Variants in TCF20 observed in about 807,000 individuals in gnomAD.
TCF20 encodes transcription factor 20.
TCF20 carries 3 observed loss-of-function variants against 148.6 expected under a neutral mutation model. The observed-to-expected ratio is 0.02, with a 90% CI of 0.01 to 0.05. The LOEUF (loss-of-function observed/expected upper bound fraction) is 0.05. Ranked by LOEUF, TCF20 falls within the 10% of genes least tolerant of loss-of-function variation. The probability of loss-of-function intolerance (pLI) is 1.00; values close to 1 mark genes in which losing one functional copy is unlikely to be tolerated. For missense variants in TCF20, 2,350 were observed against 2,429.3 expected (o/e 0.97, Z 0.69); for synonymous variants, 1,049 against 909.5 (o/e 1.15, Z -2.76).
rs371609917 is a variant in TCF20, at chr22:42,210,011, C to T, written c.5295G>A (p.Glu1765=). The change falls in exon 2 of 6, where the codon GAG becomes GAA. Residue 1765 remains glutamate, a synonymous_variant. Coordinates refer to ENST00000677622, the MANE Select transcript of TCF20 (RefSeq NM_001378418.1). This position sits in a 1 kb window ranked among gnomAD's most constrained non-coding sequence, Gnocchi z 4.7. The stretch of plus-strand genomic sequence containing the variant: ...GCTGCTGCTGCTGCTCTTCCTCCTC[C>T]TCAGTGTCCGTCTTGGAGCCATTAG... ...SASNGSKTDT[E]EEEEQQQQQK... 66 of 1,612,812 alleles carry T rather than the reference C, an allele frequency of 4.1e-5. No homozygotes were observed. The highest frequency in any genetic ancestry group is 1.6e-4 in the African/African-American group (12 of 74,924).
At position 42,161,143 on chromosome 22, in the gene TCF20, T is replaced by G. The variant is rs1486830732; in HGVS notation, c.*260A>C. ...CCCCCCTCCCCCCACATTGTCACTA[T>G]GGAGATTGTGTCCATGGAAACAGCC... On this transcript the variant is annotated 3_prime_UTR_variant, in exon 6 of 6. Transcript: ENST00000677622. 4 of 240,800 alleles carry G rather than the reference T, an allele frequency of 1.7e-5. No homozygotes were observed. The highest frequency in any genetic ancestry group is 2.7e-4 in the East Asian group (2 of 7,440). The allele number at this position is 240,800 out of a possible 1,614,324, so 14.9% of individuals were successfully genotyped here. A position where few individuals can be genotyped will look rare whatever the true frequency, so the allele number is the denominator to read the frequency against.
Position 42,243,051 on chromosome 22 carries a change from G to C in TCF20, c.-37+27288C>G, listed in dbSNP as rs114876579. Among the ~76,000 whole-genome samples the C allele has an allele frequency of 4.1e-3, 623 of 152,042 alleles. 11 individuals carry two copies. The highest frequency in any genetic ancestry group is 0.014 in the African/African-American group (601 of 41,474). ...TACCAAGGATCCAAGGGAAGAGGGGGAAGGATGAATACGGAGAGAGTACAG... is the reference window on the plus strand; with the variant it reads ...TACCAAGGATCCAAGGGAAGAGGGGCAAGGATGAATACGGAGAGAGTACAG... On this transcript the variant is annotated intron_variant, in intron 1 of 5. Transcript: ENST00000677622.
At chr22:42,258,916 G>A (rs767284210) in intron 1 of TCF20, among the ~76,000 whole-genome samples, 23 of 152,188 alleles carry the variant, frequency 1.5e-4, no homozygotes, top group Non-Finnish European at 2.1e-4. Flanking sequence ...CCCTGCATCT[G>A]TATTTTACTT....
At chr22:42,230,268 ACTC>A (rs1923279992) in intron 1 of TCF20, among the ~76,000 whole-genome samples, 3 of 151,392 alleles carry the variant, frequency 2.0e-5, no homozygotes, top group African/African-American at 7.3e-5. Flanking sequence ...GAGCTGAAAA[ACTC>A]CTATTGCCTG....
chr22:42,226,916 G>T (rs1329067876), intron 1 of TCF20, among the ~76,000 whole-genome samples: 1 of 152,190 alleles, frequency 6.6e-6, no homozygotes, highest in African/African-American at 2.4e-5. Flanking sequence ...GTATTGTAAA[G>T]ACGTTAAGTC....
intron 1 of TCF20, among the ~76,000 whole-genome samples, chr22:42,218,563 A>G (rs1471430258): frequency 6.6e-6 from 1 of 152,242 alleles, no homozygotes; most frequent in Non-Finnish European, 1.5e-5. Context: ...CTAGCAGTTT[A>G]AACTAATGAA....
chr22:42,226,310 G>T (rs567426150), intron 1 of TCF20, among the ~76,000 whole-genome samples: 1 of 152,208 alleles, frequency 6.6e-6, no homozygotes, highest in Non-Finnish European at 1.5e-5. Context: ...TTCAAAGGTT[G>T]TATTAATACA....
chr22:42,336,777 C>T (rs1326093410), intron 1 of TCF20, among the ~76,000 whole-genome samples: 1 of 152,172 alleles, frequency 6.6e-6, no homozygotes, highest in Non-Finnish European at 1.5e-5. Flanking sequence ...GACTAGGGTG[C>T]TCTTCCCCCT....
In TCF20 at chr22:42,290,801, G is replaced by A. The variant is rs1331394753; in HGVS notation, c.-37+52678C>T. Among the ~76,000 whole-genome samples, 1 of 152,204 alleles carries A rather than the reference G, an allele frequency of 6.6e-6. No homozygotes were observed. Among genetic ancestry groups the A allele is most frequent in the Non-Finnish European group, 1.5e-5 (1 of 68,024 alleles). On this transcript the variant is annotated intron_variant, in intron 1 of 1. Coordinates refer to the TCF20 transcript ENST00000515426. This position sits in a 1 kb window ranked among gnomAD's most constrained non-coding sequence, Gnocchi z 4.2. The stretch of plus-strand genomic sequence containing the variant: ...ATTCAAGGACGAGGTCAGCCTCCCA[G>A]AGCACACAGGGGCCTTGGGGCAGGC...
In TCF20 at chr22:42,213,132, G is replaced by A; in HGVS notation, c.2174C>T (p.Pro725Leu). Residue 725 changes from proline to leucine, a missense_variant, in exon 2 of 6, where the codon CCT becomes CTT. Pro to Leu is a moderately conservative substitution (Grantham distance 98). This residue lies in a region of TCF20 where 1,641 missense variants were observed against 1,662.6 expected (regional missense o/e 0.99). Coordinates refer to ENST00000677622, the MANE Select transcript of TCF20 (RefSeq NM_001378418.1). ...CTTTTCTTGCCCTGTAGGATACTGA[G>A]GAAAGCCACTGACATTTCGTGGCAC... ...SAVPRNVSGFPQYPTGQEKGD... is the reference protein window; with the variant it reads ...SAVPRNVSGFLQYPTGQEKGD... 6.2e-7 allele frequency: 1 copy of A among 1,614,168 alleles called. No individual in the cohort carries two copies. Among genetic ancestry groups the A allele is most frequent in the Non-Finnish European group, 8.5e-7 (1 of 1,180,038 alleles).
At chr22:42,188,186 C>T (rs149423108) in intron 2 of TCF20, among the ~76,000 whole-genome samples, 160 of 143,948 alleles carry the variant, frequency 1.1e-3, no homozygotes, top group African/African-American at 3.9e-3. Flanking sequence ...CCCAGCTACT[C>T]GGGAGGCTGA....
intron 1 of TCF20, among the ~76,000 whole-genome samples, chr22:42,268,825 G>A (rs1926433430): frequency 6.6e-6 from 1 of 152,200 alleles, no homozygotes; most frequent in South Asian, 2.1e-4. Flanking sequence ...TTTCAAAAAA[G>A]AGCGTACCCT....
rs202211712 is a variant in TCF20, at chr22:42,214,962, A to C, written c.344T>G (p.Val115Gly). ...QPPQRRPSGP[V>G]QSYGPPQGSS... ...CCCCTGGGGGGGTCCATAGCTCTGC[A>C]CAGGCCCAGAAGGCCTTCGCTGAGG... The change falls in exon 2 of 6, where the codon GTG becomes GGG. Residue 115 changes from valine (V) to glycine (G), a missense_variant. Val to Gly is a moderately radical substitution (Grantham distance 109). Coordinates refer to ENST00000677622, the MANE Select transcript of TCF20 (RefSeq NM_001378418.1). 9 of 1,614,120 alleles carry C rather than the reference A, an allele frequency of 5.6e-6. No individual in the cohort carries two copies. The highest frequency in any genetic ancestry group is 7.6e-6 in the Non-Finnish European group (9 of 1,180,038).
intron 3 of TCF20, among the ~76,000 whole-genome samples, chr22:42,171,949 C>T (rs35382094): frequency 6.6e-6 from 1 of 152,222 alleles, no homozygotes. Context: ...CAGTGACCAG[C>T]TGTGATGGAC....
intron 2 of TCF20, among the ~76,000 whole-genome samples, chr22:42,199,372 T>C (rs1937824815): frequency 6.6e-6 from 1 of 152,134 alleles, no homozygotes; most frequent in Non-Finnish European, 1.5e-5. Context: ...CATAGAGTCA[T>C]GTGGTAGCAC....
At chr22:42,341,549 G>C (rs550360619) in intron 1 of TCF20, among the ~76,000 whole-genome samples, 2 of 152,174 alleles carry the variant, frequency 1.3e-5, no homozygotes, top group Admixed American at 1.3e-4. Context: ...AGGGCATCCT[G>C]CTCACAGGCA....
chr22:42,307,861 G>C (rs1021971056), intron 1 of TCF20, among the ~76,000 whole-genome samples: 1 of 152,166 alleles, frequency 6.6e-6, no homozygotes, highest in African/African-American at 2.4e-5. Flanking sequence ...CTCCAGCTTG[G>C]ACGGCCAGCT....
At chr22:42,298,309 G>C (rs1299524503) in intron 1 of TCF20, among the ~76,000 whole-genome samples, 3 of 152,354 alleles carry the variant, frequency 2.0e-5, no homozygotes, top group Non-Finnish European at 1.5e-5. Context: ...GAGAGGGTAG[G>C]TGAAGGTGGG....
chr22:42,220,575 A>G (rs931592090), intron 1 of TCF20, among the ~76,000 whole-genome samples: 2 of 152,062 alleles, frequency 1.3e-5, no homozygotes, highest in Non-Finnish European at 2.9e-5. Context: ...ACAATGATGC[A>G]TCTAGTTATA....
Sources: allele counts gnomAD v4.1 joint callset (sites outside exome capture counted in the v4.1 genomes callset), GRCh38; gene constraint gnomAD v4.1.1; regional missense constraint gnomAD v4.1.1; non-coding constraint Gnocchi (gnomAD v3.1); transcripts MANE v1.5; gene names NCBI Gene and HGNC (gene_info 2026-07-23, HGNC 2026-07-21).